Variants in SGCZ observed in about 807,000 individuals in gnomAD.
SGCZ encodes sarcoglycan zeta, also known as zeta-sarcoglycan.
SGCZ carries 40 observed loss-of-function variants against 41.3 expected under a neutral mutation model. That is an observed-to-expected ratio of 0.97 (90% CI 0.75 to 1.26). The LOEUF is 1.26. Ranked by LOEUF, SGCZ falls within the 50% of genes most tolerant of loss-of-function variation. The pLI, the probability that SGCZ is intolerant of heterozygous loss-of-function variation, is 0.00. For missense variants in SGCZ, 552 were observed against 369.8 expected, an observed-to-expected ratio of 1.49 and a Z score of -4.04; for synonymous variants, 206 against 137.5, an observed-to-expected ratio of 1.50 and a Z score of -3.49.
At chr8:14,242,544 G>C (rs865804031) in intron 3 of SGCZ, among the ~76,000 whole-genome samples, 1 of 152,158 alleles carries the variant, frequency 6.6e-6, no homozygotes, top group African/African-American at 2.4e-5. Context: ...TTATGTGCTT[G>C]TTATAAGGAT....
intron 1 of SGCZ, among the ~76,000 whole-genome samples, chr8:14,941,675 G>C (rs1800279683): frequency 6.6e-6 from 1 of 151,730 alleles, no homozygotes; most frequent in Admixed American, 6.6e-5. Flanking sequence ...AAATGGTATT[G>C]TTGCCTATTT....
intron 1 of SGCZ, among the ~76,000 whole-genome samples, chr8:14,812,018 G>C (rs1282968676): frequency 6.6e-6 from 1 of 151,980 alleles, no homozygotes; most frequent in Non-Finnish European, 1.5e-5. Context: ...GATGAGTATG[G>C]AAAGGGATTA....
intron 2 of SGCZ, among the ~76,000 whole-genome samples, chr8:14,379,711 C>A (rs1028806675): frequency 6.6e-6 from 1 of 151,998 alleles, no homozygotes; most frequent in African/African-American, 2.4e-5. Context: ...TCCTACCCTA[C>A]AATATATTGA....
intron 1 of SGCZ, among the ~76,000 whole-genome samples, chr8:14,899,466 A>G (rs923366068): frequency 6.6e-6 from 1 of 152,224 alleles, no homozygotes; most frequent in Non-Finnish European, 1.5e-5. Context: ...TGTGATTTAG[A>G]GAAGGTGCTA....
At chr8:14,399,866 T>C (rs1799023668) in intron 2 of SGCZ, among the ~76,000 whole-genome samples, 1 of 152,148 alleles carries the variant, frequency 6.6e-6, no homozygotes, top group African/African-American at 2.4e-5. Context: ...CTATAAAGTT[T>C]ACTTCTTTAA....
chr8:14,286,367 C>T (rs552650590), intron 3 of SGCZ, among the ~76,000 whole-genome samples: 1 of 152,214 alleles, frequency 6.6e-6, no homozygotes, highest in South Asian at 2.1e-4. Flanking sequence ...CATTCTCTGA[C>T]CTCCAATTAC....
At chr8:14,637,531 C>G (rs1427722910) in intron 1 of SGCZ, among the ~76,000 whole-genome samples, 1 of 151,832 alleles carries the variant, frequency 6.6e-6, no homozygotes, top group East Asian at 1.9e-4. Flanking sequence ...TCCATACGTG[C>G]TCAGTGTTTA....
chr8:14,303,087 G>T (rs1363743691), intron 3 of SGCZ, among the ~76,000 whole-genome samples: 1 of 152,042 alleles, frequency 6.6e-6, no homozygotes, highest in Non-Finnish European at 1.5e-5. Context: ...TACATTAGAT[G>T]CCCACTTTTA....
intron 1 of SGCZ, among the ~76,000 whole-genome samples, chr8:15,206,394 G>C (rs969062620): frequency 6.6e-6 from 1 of 151,566 alleles, no homozygotes; most frequent in Non-Finnish European, 1.5e-5. Flanking sequence ...TGCAGCAGAG[G>C]GTCATTTTAA....
chr8:14,753,767 G>C (rs992285492), intron 1 of SGCZ, among the ~76,000 whole-genome samples: 1 of 152,166 alleles, frequency 6.6e-6, no homozygotes, highest in Non-Finnish European at 1.5e-5. Context: ...CTTGATCTCA[G>C]TTGCCCATAC....
chr8:15,118,778 A>G (rs1003400559), intron 1 of SGCZ, among the ~76,000 whole-genome samples: 7 of 152,188 alleles, frequency 4.6e-5, no homozygotes, highest in East Asian at 1.9e-4. Context: ...TTTCAAAATT[A>G]TGACAGGTTA....
intron 1 of SGCZ, among the ~76,000 whole-genome samples, chr8:15,178,622 C>T (rs111921149): frequency 6.6e-6 from 1 of 152,174 alleles, no homozygotes; most frequent in East Asian, 1.9e-4. Context: ...ATTCATCTTG[C>T]TCAGCTGGAA....
intron 5 of SGCZ, among the ~76,000 whole-genome samples, chr8:14,143,055 A>G (rs1803418614): frequency 1.3e-5 from 2 of 152,152 alleles, no homozygotes; most frequent in East Asian, 1.9e-4. Context: ...GCTAAAAAAG[A>G]AAAATCATAT....
At chr8:14,571,932 T>C (rs1478206365) in intron 1 of SGCZ, among the ~76,000 whole-genome samples, 1 of 152,090 alleles carries the variant, frequency 6.6e-6, no homozygotes, top group Non-Finnish European at 1.5e-5. Flanking sequence ...AATGTACACA[T>C]TACTATAGAA....
At chr8:14,604,829 C>T (rs1309241792) in intron 1 of SGCZ, among the ~76,000 whole-genome samples, 4 of 152,106 alleles carry the variant, frequency 2.6e-5, no homozygotes, top group Non-Finnish European at 5.9e-5. Context: ...GACACCACAG[C>T]GTTATACTGC....
In SGCZ at chr8:14,305,917, C is replaced by A. The variant is rs543392196; in HGVS notation, c.336+18186G>T. Among the ~76,000 whole-genome samples, 3 of 152,318 alleles carry A rather than the reference C, an allele frequency of 2.0e-5. No individual in the cohort carries two copies. In the East Asian group the frequency reaches 5.8e-4, roughly 29 times the overall value. On this transcript the variant is annotated intron_variant, in intron 3 of 7. Coordinates refer to ENST00000382080, the MANE Select transcript of SGCZ (RefSeq NM_139167.4). ...ACCATTCTGCCACCACGTGTTCAAGCCCGGACTAACCTCCTACTGGATGAG... is the reference window on the plus strand; with the variant it reads ...ACCATTCTGCCACCACGTGTTCAAGACCGGACTAACCTCCTACTGGATGAG...
intron 1 of SGCZ, among the ~76,000 whole-genome samples, chr8:15,226,295 T>C (rs1406889660): frequency 6.6e-6 from 1 of 152,152 alleles, no homozygotes; most frequent in South Asian, 2.1e-4. Flanking sequence ...TTTTTGACTA[T>C]AAGAAATCTG....
intron 2 of SGCZ, among the ~76,000 whole-genome samples, chr8:14,359,336 A>G (rs1803419497): frequency 6.6e-6 from 1 of 152,140 alleles, no homozygotes; most frequent in African/African-American, 2.4e-5. Flanking sequence ...CAGAAAATCA[A>G]CAAAGAAATA....
At chr8:15,209,679 A>G (rs1205759034) in intron 1 of SGCZ, among the ~76,000 whole-genome samples, 1 of 152,162 alleles carries the variant, frequency 6.6e-6, no homozygotes, top group Non-Finnish European at 1.5e-5. Flanking sequence ...CATAGATATC[A>G]ACAGACAAAA....
Sources: gnomAD v4.1 joint callset for allele counts (sites outside exome capture counted in the v4.1 genomes callset) on GRCh38, gnomAD v4.1.1 for gene constraint, MANE v1.5 for transcripts, NCBI Gene and HGNC (gene_info 2026-07-23, HGNC 2026-07-21) for gene names.